Variants in SPIDR observed in about 807,000 individuals in gnomAD.
The protein encoded by SPIDR is DNA repair-scaffolding protein.
SPIDR carries 93 observed loss-of-function variants against 104.6 expected under a neutral mutation model. That is an observed-to-expected ratio of 0.89 (90% CI 0.75 to 1.06). The LOEUF is 1.06. Among genes scored for constraint, SPIDR ranks in the 50% least tolerant of loss-of-function variants. The pLI is 0.00. For missense variants in SPIDR, 1,154 were observed against 1,111.2 expected, an observed-to-expected ratio of 1.04 and a Z score of -0.55; for synonymous variants, 431 against 416.9, an observed-to-expected ratio of 1.03 and a Z score of -0.41.
intron 6 of SPIDR, among the ~76,000 whole-genome samples, chr8:47,399,690 T>C (rs1195346737): frequency 6.6e-6 from 1 of 152,098 alleles, no homozygotes; most frequent in Non-Finnish European, 1.5e-5. Flanking sequence ...AGCACAAGGA[T>C]GGTCCAGGGG....
At chr8:47,421,689 C>G (rs563835436) in intron 7 of SPIDR, among the ~76,000 whole-genome samples, 3 of 152,284 alleles carry the variant, frequency 2.0e-5, no homozygotes, top group Admixed American at 1.3e-4. Context: ...AGGCTCTCTG[C>G]TTTTTAGAAT....
At chr8:47,588,101 G>C (rs2060519708) in intron 8 of SPIDR, among the ~76,000 whole-genome samples, 2 of 90,620 alleles carry the variant, frequency 2.2e-5, no homozygotes, top group Admixed American at 1.5e-4. Flanking sequence ...GTATGTATCT[G>C]CAAACAAAAT....
intron 8 of SPIDR, 123 bp from the exon 9 acceptor site, chr8:47,595,684 TGTGG>T: frequency 1.3e-6 from 1 of 784,542 alleles, no homozygotes; most frequent in Non-Finnish European, 2.1e-6. Context: ...GCTGTGCCTC[TGTGG>T]GTGGGCTTGG....
intron 5 of SPIDR, among the ~76,000 whole-genome samples, chr8:47,391,232 G>A (rs1468257133): frequency 6.6e-6 from 1 of 152,098 alleles, no homozygotes; most frequent in East Asian, 1.9e-4. Flanking sequence ...TTCTGCCTTG[G>A]TTCCTGTTAG....
chr8:47,670,649 C>T (rs1563491226), intron 10 of SPIDR, among the ~76,000 whole-genome samples: 2 of 152,186 alleles, frequency 1.3e-5, no homozygotes, highest in Admixed American at 6.5e-5. Context: ...ACCGCATACA[C>T]TATACTTAAG....
At chr8:47,486,511 T>G (rs141657143) in intron 8 of SPIDR, among the ~76,000 whole-genome samples, 4,051 of 152,190 alleles carry the variant, frequency 0.027, 293 homozygotes, top group Admixed American at 0.15. Flanking sequence ...GCCACAAAGA[T>G]ACTCCTCGAG....
intron 7 of SPIDR, among the ~76,000 whole-genome samples, chr8:47,415,352 A>G (rs1293247278): frequency 1.3e-5 from 2 of 152,186 alleles, no homozygotes; most frequent in Non-Finnish European, 2.9e-5. Flanking sequence ...GACAGCCAGG[A>G]TGATGATCTC....
At chr8:47,554,644 G>C (rs1344367587) in intron 8 of SPIDR, among the ~76,000 whole-genome samples, 1 of 152,178 alleles carries the variant, frequency 6.6e-6, no homozygotes, top group African/African-American at 2.4e-5. Flanking sequence ...TCTAGGTACT[G>C]TCTGTCACGG....
chr8:47,403,141 CA>C (rs2062155433), intron 6 of SPIDR, among the ~76,000 whole-genome samples: 1 of 152,118 alleles, frequency 6.6e-6, no homozygotes, highest in South Asian at 2.1e-4. Flanking sequence ...AGGCCTTTGA[CA>C]AAATTGCAAC....
chr8:47,642,043 C>A (rs1317438938), intron 10 of SPIDR, among the ~76,000 whole-genome samples: 1 of 152,118 alleles, frequency 6.6e-6, no homozygotes, highest in Non-Finnish European at 1.5e-5. Context: ...GCAGCCCTGG[C>A]ATTCAAGGAT....
At chr8:47,566,494 A>C (rs560936967) in intron 8 of SPIDR, among the ~76,000 whole-genome samples, 1 of 152,226 alleles carries the variant, frequency 6.6e-6, no homozygotes, top group African/African-American at 2.4e-5. Context: ...TCTTGCCTCC[A>C]GACAGTAGGG....
intron 6 of SPIDR, among the ~76,000 whole-genome samples, chr8:47,407,440 C>G (rs527887282): frequency 6.6e-6 from 1 of 152,314 alleles, no homozygotes; most frequent in South Asian, 2.1e-4. Context: ...TGGGAGCTTT[C>G]CCACCTCCAT....
At chr8:47,274,733 AC>A (rs1194302633) in intron 1 of SPIDR, among the ~76,000 whole-genome samples, 3 of 151,024 alleles carry the variant, frequency 2.0e-5, no homozygotes, top group Non-Finnish European at 4.4e-5. Context: ...CCGCGACCAC[AC>A]CCGGCTAATT....
intron 7 of SPIDR, among the ~76,000 whole-genome samples, chr8:47,412,818 A>G (rs774765633): frequency 5.3e-5 from 8 of 152,102 alleles, no homozygotes; most frequent in Non-Finnish European, 1.0e-4. Context: ...CTTATAATCT[A>G]CTTCCCTCCA....
At chr8:47,322,994 C>T (rs782813602) in intron 5 of SPIDR, among the ~76,000 whole-genome samples, 1 of 151,580 alleles carries the variant, frequency 6.6e-6, no homozygotes, top group Non-Finnish European at 1.5e-5. Flanking sequence ...TGTTAAATGA[C>T]GAGTTACTGT....
At chr8:47,424,060 G>A (rs148286576) in intron 7 of SPIDR, among the ~76,000 whole-genome samples, 192 of 152,220 alleles carry the variant, frequency 1.3e-3, no homozygotes, top group Middle Eastern at 6.8e-3. Flanking sequence ...ATATGGATGG[G>A]TACAGCCTTG....
intron 10 of SPIDR, chr8:47,659,747 T>C: frequency 7.1e-6 from 7 of 984,026 alleles, no homozygotes; most frequent in Non-Finnish European, 8.4e-6. Flanking sequence ...TTCTTATCAC[T>C]TCATCCTCTG....
At chr8:47,627,924 T>TAATGTTA (rs2066454752) in intron 10 of SPIDR, among the ~76,000 whole-genome samples, 2 of 152,240 alleles carry the variant, frequency 1.3e-5, no homozygotes, top group Non-Finnish European at 2.9e-5. Flanking sequence ...TAGCCTGGGC[T>TAATGTTA]GCCTGGTAGT....
intron 8 of SPIDR, among the ~76,000 whole-genome samples, chr8:47,446,821 G>A (rs568836960): frequency 9.9e-5 from 15 of 152,158 alleles, no homozygotes; most frequent in African/African-American, 1.9e-4. Flanking sequence ...TCGTGACCTC[G>A]TGATCCACCC....
Sources: allele counts gnomAD v4.1 joint callset (sites outside exome capture counted in the v4.1 genomes callset), GRCh38; gene constraint gnomAD v4.1.1; transcripts MANE v1.5; gene names NCBI Gene and HGNC (gene_info 2026-07-23, HGNC 2026-07-21).